Variants in PTPRT observed in about 807,000 individuals in gnomAD.
PTPRT encodes receptor-type tyrosine-protein phosphatase T.
A neutral mutation model predicts 176.8 loss-of-function variants in PTPRT; 56 were observed. That is an observed-to-expected ratio of 0.32 (90% CI 0.26 to 0.40). PTPRT has a LOEUF of 0.40. PTPRT is among the 10% of genes least tolerant of loss of function. The pLI, the probability that PTPRT is intolerant of heterozygous loss-of-function variation, is 1.00. For missense variants in PTPRT, 1,540 were observed against 1,908.2 expected (o/e 0.81, Z 3.60); for synonymous variants, 783 against 739.0 (o/e 1.06, Z -0.96).
chr20:42,186,356 G>C (rs1284451794), intron 16 of PTPRT, among the ~76,000 whole-genome samples: 2 of 151,790 alleles, frequency 1.3e-5, no homozygotes, highest in African/African-American at 4.8e-5. Flanking sequence ...TGGCCTATGG[G>C]CCTCCCATCC....
chr20:42,060,005 A>G, the PTPRT span, among the ~76,000 whole-genome samples: 7 of 152,188 alleles, frequency 4.6e-5, no homozygotes, highest in Non-Finnish European at 1.0e-4. Context: ...AATAAAAATA[A>G]TAATTTACAC....
At chr20:42,404,827 AACAAC>A (rs2058943346) in intron 9 of PTPRT, among the ~76,000 whole-genome samples, 1 of 151,940 alleles carries the variant, frequency 6.6e-6, no homozygotes, top group South Asian at 2.1e-4. Flanking sequence ...AACAGTCATA[AACAAC>A]ACAAAAGCCA....
intron 6 of PTPRT, among the ~76,000 whole-genome samples, chr20:42,697,992 C>CT (rs1214579226): frequency 1.3e-5 from 2 of 152,164 alleles, no homozygotes; most frequent in African/African-American, 4.8e-5. Context: ...GAAGTATTAA[C>CT]TTTTTTTAAA....
At chr20:42,822,217 G>A (rs987968695) in intron 2 of PTPRT, among the ~76,000 whole-genome samples, 7 of 152,002 alleles carry the variant, frequency 4.6e-5, no homozygotes, top group African/African-American at 1.7e-4. Flanking sequence ...CAGACCAATG[G>A]AACAGAATAG....
the PTPRT span, among the ~76,000 whole-genome samples, chr20:42,035,451 T>C: frequency 1.3e-5 from 2 of 152,086 alleles, no homozygotes; most frequent in African/African-American, 2.4e-5. Flanking sequence ...AAAGGTAGCA[T>C]CAATATCTAA....
At position 42,501,598 on chromosome 20, in the gene PTPRT, G is replaced by C. The variant is rs117298295; in HGVS notation, c.1154-29036C>G. 9.3e-3 allele frequency among the ~76,000 whole-genome samples: 1,410 copies of C among 152,200 alleles called. 6 individuals carry two copies. Among genetic ancestry groups the C allele is most frequent in the Non-Finnish European group, 0.016 (1,080 of 67,984 alleles). On this transcript the variant is annotated intron_variant, in intron 7 of 30. Transcript: ENST00000373187. ...TATTGAAACACAGCCACACCTATTTGTTTATGTATGTCTATGCTGTTTTAG... is the reference window on the plus strand; with the variant it reads ...TATTGAAACACAGCCACACCTATTTCTTTATGTATGTCTATGCTGTTTTAG...
At chr20:42,069,857 A>AG (rs1246896604), downstream of PTPRT, among the ~76,000 whole-genome samples, 1 of 152,150 alleles carries the variant, frequency 6.6e-6, no homozygotes, top group East Asian at 1.9e-4. Flanking sequence ...GTTAATTTCC[A>AG]GGGGGTTATA....
At chr20:42,245,302 C>G (rs116084973) in intron 14 of PTPRT, among the ~76,000 whole-genome samples, 1 of 152,120 alleles carries the variant, frequency 6.6e-6, no homozygotes, top group East Asian at 1.9e-4. Flanking sequence ...TATGTCCATG[C>G]AATCCTAATT....
At position 42,254,190 on chromosome 20, in the gene PTPRT, C is replaced by G. The variant is rs1269206217; in HGVS notation, c.2177-5368G>C. On this transcript the variant is annotated intron_variant, in intron 13 of 30. Coordinates refer to ENST00000373187, the MANE Select transcript of PTPRT (RefSeq NM_007050.6). ...AAGGGCAGTGCTGCCCTGCTCTACT[C>G]TGCACTGGTCAGAATGCTCTGGTGA... Among the ~76,000 whole-genome samples the G allele has an allele frequency of 2.0e-5, 3 of 152,206 alleles. No homozygotes were observed. In the East Asian group the frequency reaches 5.8e-4, roughly 29 times the overall value.
intron 1 of PTPRT, among the ~76,000 whole-genome samples, chr20:43,030,882 G>A (rs376621268): frequency 7.0e-4 from 107 of 152,324 alleles, no homozygotes; most frequent in African/African-American, 2.5e-3. Flanking sequence ...CCTTAGATCA[G>A]CTTCCCTAAG....
chr20:42,303,710 G>GT (rs2057503784), intron 12 of PTPRT, among the ~76,000 whole-genome samples: 1 of 152,152 alleles, frequency 6.6e-6, no homozygotes, highest in African/African-American at 2.4e-5. Flanking sequence ...GGGAAGAAGC[G>GT]TTAGGAGACT....
chr20:42,662,870 T>C (rs1424408090), intron 7 of PTPRT, among the ~76,000 whole-genome samples: 1 of 152,324 alleles, frequency 6.6e-6, no homozygotes, highest in Admixed American at 6.5e-5. Flanking sequence ...TTTTACAATT[T>C]ATAACAATCA....
At chr20:43,056,059 C>T (rs1450216663) in intron 1 of PTPRT, among the ~76,000 whole-genome samples, 1 of 152,102 alleles carries the variant, frequency 6.6e-6, no homozygotes, top group East Asian at 1.9e-4. Context: ...AAACTGAAGT[C>T]CACAGAGAGG....
intron 6 of PTPRT, among the ~76,000 whole-genome samples, chr20:42,716,652 C>T (rs1378135822): frequency 6.6e-6 from 1 of 152,046 alleles, no homozygotes; most frequent in South Asian, 2.1e-4. Flanking sequence ...TGGATATTAG[C>T]CCTTTGTCAG....
At chr20:42,404,852 A>C (rs1458686656) in intron 9 of PTPRT, among the ~76,000 whole-genome samples, 1 of 151,756 alleles carries the variant, frequency 6.6e-6, no homozygotes, top group African/African-American at 2.4e-5. Context: ...AAAGATATAA[A>C]ACAAAATTGG....
In PTPRT at chr20:42,113,874, C is replaced by T. The variant is rs374007329; in HGVS notation, c.3099+1325G>A. 3.3e-4 allele frequency among the ~76,000 whole-genome samples: 51 copies of T among 152,316 alleles called. No homozygotes were observed. The East Asian group carries it at 5.8e-3, about 17-fold the overall frequency. On this transcript the variant is annotated intron_variant, in intron 22 of 30. Transcript: ENST00000373187. ...TCACAGGCTTCCTGACTTTTTCACC[C>T]GAGACTGCAGATTCAGATGAAAAAG...
At chr20:43,078,732 C>A (rs1428809583) in intron 1 of PTPRT, among the ~76,000 whole-genome samples, 2 of 152,194 alleles carry the variant, frequency 1.3e-5, no homozygotes, top group African/African-American at 4.8e-5. Flanking sequence ...AAAAATGTAA[C>A]CATCAATCTG....
At chr20:43,124,446 C>A (rs1388129544) in intron 1 of PTPRT, among the ~76,000 whole-genome samples, 2 of 152,132 alleles carry the variant, frequency 1.3e-5, no homozygotes, top group Non-Finnish European at 2.9e-5. Context: ...CGGGAGGAAC[C>A]AAGGCCAGGA....
chr20:43,076,161 T>C (rs989836485), intron 1 of PTPRT, among the ~76,000 whole-genome samples: 13 of 152,170 alleles, frequency 8.5e-5, no homozygotes, highest in African/African-American at 2.9e-4. Context: ...GTTTCCCCTG[T>C]TGGGTGGGCA....
Sources: allele counts gnomAD v4.1 joint callset (sites outside exome capture counted in the v4.1 genomes callset), GRCh38; gene constraint gnomAD v4.1.1; transcripts MANE v1.5; gene names NCBI Gene and HGNC (gene_info 2026-07-23, HGNC 2026-07-21).